LARP4B: variants seen among roughly 807,000 people sequenced by gnomAD.
LARP4B encodes the protein La ribonucleoprotein 4B.
Under a neutral mutation model 89.8 loss-of-function variants are expected in LARP4B, and 12 were observed. That is an observed-to-expected ratio of 0.13 (90% CI 0.09 to 0.22). The LOEUF is 0.22. Ranked by LOEUF, LARP4B falls within the 10% of genes least tolerant of loss-of-function variation. The probability of loss-of-function intolerance (pLI) is 1.00; values close to 1 mark genes in which losing one functional copy is unlikely to be tolerated. For missense variants in LARP4B, 757 were observed against 947.7 expected, an observed-to-expected ratio of 0.80 and a Z score of 2.64; for synonymous variants, 367 against 363.3, an observed-to-expected ratio of 1.01 and a Z score of -0.12.
chr10:827,609 G>A (rs1193801084), intron 11 of LARP4B, among the ~76,000 whole-genome samples: 1 of 152,202 alleles, frequency 6.6e-6, no homozygotes, highest in African/African-American at 2.4e-5. Context: ...AGGACCAGCT[G>A]TCTGGCACAC....
intron 5 of LARP4B, among the ~76,000 whole-genome samples, chr10:851,614 A>G (rs1275623223): frequency 6.6e-6 from 1 of 152,214 alleles, no homozygotes; most frequent in South Asian, 2.1e-4. Context: ...CACAGGTGAT[A>G]ACAGAGTATT....
At chr10:847,649 C>G (rs1294655979) in intron 5 of LARP4B, among the ~76,000 whole-genome samples, 1 of 152,074 alleles carries the variant, frequency 6.6e-6, no homozygotes, top group African/African-American at 2.4e-5. Context: ...ACCTCAGCCT[C>G]CTGAGTAGCG....
chr10:874,529 G>T (rs1231600617), intron 3 of LARP4B, among the ~76,000 whole-genome samples: 1 of 152,212 alleles, frequency 6.6e-6, no homozygotes, highest in Non-Finnish European at 1.5e-5. Context: ...ATGTGGTCCA[G>T]TCCCTAACTG....
At chr10:949,999 C>T in the LARP4B span, among the ~76,000 whole-genome samples, 1 of 152,118 alleles carries the variant, frequency 6.6e-6, no homozygotes, top group Non-Finnish European at 1.5e-5. Context: ...TGGTCTTGAC[C>T]TCCTGGGCTC....
chr10:875,765 A>G (rs1367341125), intron 3 of LARP4B, among the ~76,000 whole-genome samples: 1 of 152,170 alleles, frequency 6.6e-6, no homozygotes, highest in East Asian at 1.9e-4. Context: ...ATCACCCCTT[A>G]GAAGGCCCTA....
the LARP4B span, chr10:971,404 G>A: frequency 2.6e-5 from 4 of 152,148 alleles, no homozygotes; most frequent in African/African-American, 9.7e-5. Flanking sequence ...AGCTGTTACT[G>A]TTACGTAATC....
In LARP4B at chr10:825,750, GC is replaced by G. The variant is rs766544423; in HGVS notation, c.1232+13del. The stretch of plus-strand genomic sequence containing the variant: ...CGTAAAGACCAAAACTGCTAAGACC[GC>G]CCCGGAACTTGCCTGCTTCGAGGAG... On this transcript the variant is annotated intron_variant, in intron 12 of 17. Coordinates refer to ENST00000316157, the MANE Select transcript of LARP4B (RefSeq NM_015155.3). The G allele has an allele frequency of 1.3e-6, 2 of 1,592,880 alleles. No homozygotes were observed. The highest frequency in any genetic ancestry group is 1.7e-6 in the Non-Finnish European group (2 of 1,162,104).
intron 7 of LARP4B, among the ~76,000 whole-genome samples, chr10:838,919 A>G (rs1208407774): frequency 6.6e-6 from 1 of 152,236 alleles, no homozygotes; most frequent in Non-Finnish European, 1.5e-5. Flanking sequence ...ACAATGAACT[A>G]TTATTCCACA....
the LARP4B span, among the ~76,000 whole-genome samples, chr10:952,232 T>C: frequency 3.2e-4 from 46 of 145,184 alleles, no homozygotes; most frequent in African/African-American, 8.8e-4. Flanking sequence ...CCCAGCTACT[T>C]GGGAGGCTGA....
intron 5 of LARP4B, among the ~76,000 whole-genome samples, chr10:863,387 T>G (rs1834725996): frequency 6.6e-6 from 1 of 151,952 alleles, no homozygotes; most frequent in Admixed American, 6.5e-5. Flanking sequence ...CACGCCCAGC[T>G]GATTTTTTTT....
intron 4 of LARP4B, 60 bp from the exon 5 acceptor site, chr10:863,943 A>G: frequency 6.3e-7 from 1 of 1,578,426 alleles, no homozygotes; most frequent in South Asian, 1.2e-5. Flanking sequence ...CTCTTAAAAC[A>G]AAGCTTACAC....
In LARP4B at chr10:814,052, C is replaced by T. The variant is rs968898824; in HGVS notation, c.1929+690G>A. Among the ~76,000 whole-genome samples the T allele has an allele frequency of 2.0e-5, 3 of 152,022 alleles. No individual in the cohort carries two copies. The highest frequency in any genetic ancestry group is 1.9e-4 in the East Asian group (1 of 5,194). On this transcript the variant is annotated intron_variant, in intron 17 of 17. Coordinates refer to ENST00000316157, the MANE Select transcript of LARP4B (RefSeq NM_015155.3). This position sits in a 1 kb window ranked among gnomAD's most constrained non-coding sequence, Gnocchi z 4.4. ...TCCTGACCGCATGATCTGCCTACCT[C>T]GGCCTCCCAAAGTGCTGGGATTACA...
intron 15 of LARP4B, among the ~76,000 whole-genome samples, chr10:816,258 A>G (rs981182428): frequency 6.6e-6 from 1 of 152,222 alleles, no homozygotes; most frequent in African/African-American, 2.4e-5. Context: ...TTAATTCAGG[A>G]TATGTGCAGT....
At chr10:836,346 A>G in intron 8 of LARP4B, 57 bp downstream of exon 8, 1 of 1,235,544 alleles carries the variant, frequency 8.1e-7, no homozygotes, top group Non-Finnish European at 1.2e-6. Flanking sequence ...TAAAATCAAA[A>G]CCAACAAAGA....
chr10:934,907 T>A (rs895986135), upstream of LARP4B, among the ~76,000 whole-genome samples: 10 of 152,190 alleles, frequency 6.6e-5, no homozygotes, highest in Non-Finnish European at 1.5e-4. Context: ...TACAGTCCAT[T>A]ACTCACAGTG....
chr10:887,953 G>A (rs1214129505), intron 1 of LARP4B, among the ~76,000 whole-genome samples: 1 of 151,076 alleles, frequency 6.6e-6, no homozygotes, highest in South Asian at 2.1e-4. Flanking sequence ...TGAACCAGGA[G>A]GTGGAGGTTG....
rs759602742 is a variant in LARP4B at position 813,051 on chromosome 10, C to T, written c.2092G>A (p.Ala698Thr). 2.5e-6 allele frequency: 4 copies of T among 1,613,970 alleles called. No individual in the cohort carries two copies. The highest frequency in any genetic ancestry group is 3.4e-6 in the Non-Finnish European group (4 of 1,180,032). Residue 698 changes from alanine (A) to threonine (T), a missense_variant, in exon 18 of 18, where the codon GCC (alanine) becomes ACC (threonine). Around this residue, in one of 5 missense-constraint regions of LARP4B, gnomAD observed 387 missense variants for 423.6 expected, o/e 0.91. Coordinates refer to ENST00000316157, the MANE Select transcript of LARP4B (RefSeq NM_015155.3). The part of the protein sequence containing the change: ...EPAERYREPP[A>T]LKSTPGAPRD... ...GGGGCTCCAGGTGTGGACTTGAGGGCTGGGGGCTCCCGGTATCTCTCTGCG... is the reference window on the plus strand; with the variant it reads ...GGGGCTCCAGGTGTGGACTTGAGGGTTGGGGGCTCCCGGTATCTCTCTGCG...
chr10:923,190 A>C (rs565803304), intron 1 of LARP4B, among the ~76,000 whole-genome samples: 1 of 152,330 alleles, frequency 6.6e-6, no homozygotes, highest in South Asian at 2.1e-4. Flanking sequence ...CGTGGTTTAA[A>C]TGTTTTTAAC....
At chr10:825,412 T>G in intron 12 of LARP4B, 96 bp from the exon 13 acceptor site, 1 of 1,213,046 alleles carries the variant, frequency 8.2e-7, no homozygotes, top group Middle Eastern at 2.6e-4. Context: ...TGAAATCTGC[T>G]CTCTGTTTAA....
Sources: allele counts gnomAD v4.1 joint callset (sites outside exome capture counted in the v4.1 genomes callset), GRCh38; gene constraint gnomAD v4.1.1; regional missense constraint gnomAD v4.1.1; non-coding constraint Gnocchi (gnomAD v3.1); transcripts MANE v1.5; gene names NCBI Gene and HGNC (gene_info 2026-07-23, HGNC 2026-07-21).